Variants in KLHDC4 observed in about 807,000 individuals in gnomAD.
KLHDC4 encodes the protein kelch domain-containing protein 4.
In KLHDC4, 90 loss-of-function variants were observed where a neutral mutation model predicts 62.4. That is an observed-to-expected ratio of 1.44 (90% CI 1.22 to 1.72). The LOEUF is 1.72. Ranked by LOEUF, KLHDC4 falls within the 40% of genes most tolerant of loss-of-function variation. KLHDC4 has a pLI of 0.00. For synonymous variants in KLHDC4, 386 were observed against 284.4 expected, an observed-to-expected ratio of 1.36 and a Z score of -3.59; for missense variants, 1,025 against 699.7, an observed-to-expected ratio of 1.47 and a Z score of -5.25.
At chr16:87,764,935 G>A (rs1042115481) in intron 1 of KLHDC4, 3 of 350,934 alleles carry the variant, frequency 8.5e-6, no homozygotes, top group South Asian at 4.3e-5. Flanking sequence ...GACTTAGGAA[G>A]AAAAGGGACA....
At chr16:87,732,102 T>TTTTC (rs1555573575) in intron 5 of KLHDC4, among the ~76,000 whole-genome samples, 17,483 of 149,776 alleles carry the variant, frequency 0.12, 1,530 homozygotes, top group African/African-American at 0.24. Context: ...TATTTCTTTT[T>TTTTC]TTTTTTTTTT....
At chr16:87,718,953 C>G (rs1049952669) in intron 7 of KLHDC4, among the ~76,000 whole-genome samples, 1 of 151,060 alleles carries the variant, frequency 6.6e-6, no homozygotes, top group Non-Finnish European at 1.5e-5. Flanking sequence ...TCTGCCCGGC[C>G]GCCCGGTCTG....
At chr16:87,713,232 C>T (rs1839540723) in intron 8 of KLHDC4, among the ~76,000 whole-genome samples, 1 of 151,818 alleles carries the variant, frequency 6.6e-6, no homozygotes, top group Non-Finnish European at 1.5e-5. Context: ...CAGAGTCTCG[C>T]TCTGTCGCCC....
downstream of KLHDC4, among the ~76,000 whole-genome samples, chr16:87,703,591 A>G (rs1439176227): frequency 6.6e-6 from 1 of 152,354 alleles, no homozygotes; most frequent in East Asian, 1.9e-4. Flanking sequence ...AGAGCTTTGT[A>G]AACCTGCGCT....
chr16:87,711,543 G>A, intron 8 of KLHDC4, 100 bp from the exon 9 acceptor site: 1 of 1,023,688 alleles, frequency 9.8e-7, no homozygotes, highest in Non-Finnish European at 1.4e-6. Flanking sequence ...CCAGAATGGG[G>A]TAAATGAAAA....
chr16:87,724,804 C>T lies in KLHDC4; in HGVS notation c.759+1961G>A, dbSNP rs80046972. On this transcript the variant is annotated intron_variant, in intron 7 of 11. Coordinates refer to ENST00000270583, the MANE Select transcript of KLHDC4 (RefSeq NM_017566.4). Reference sequence around the variant, plus strand: ...AATAACACCCACACCCACACCCACCCCAGGGCCCAGCAGCTCCACTCCAGA... The same window carrying T: ...AATAACACCCACACCCACACCCACCTCAGGGCCCAGCAGCTCCACTCCAGA... Among the ~76,000 whole-genome samples, 144 of 152,244 alleles carry T rather than the reference C, an allele frequency of 9.5e-4. 2 individuals carry two copies. The East Asian group carries it at 0.025, about 27-fold the overall frequency.
chr16:87,726,657 GCCGCGCCTCGCCCGTCTCCCCACC>G (rs1567713894), intron 7 of KLHDC4, 84 bp downstream of exon 7: 80 of 10,014 alleles, frequency 8.0e-3, no homozygotes, highest in African/African-American at 0.02. Flanking sequence ...GTCTCCCCAC[GCCGCGCCTCGCCCGTCTCCCCACC>G]CCGCGCCTCG....
rs534890453 is a variant in KLHDC4 at position 87,711,368 on chromosome 16, G to A, written c.911C>T (p.Ala304Val). 1.4e-5 allele frequency: 22 copies of A among 1,613,860 alleles called. No individual in the cohort carries two copies. The African/African-American group carries it at 2.0e-4, about 15-fold the overall frequency. Residue 304 changes from alanine (A) to valine (V), a missense_variant, in exon 9 of 12, where the codon GCC becomes GTC. By Grantham distance (64) the Ala-to-Val change is moderately conservative. Coordinates refer to ENST00000270583, the MANE Select transcript of KLHDC4 (RefSeq NM_017566.4). ...GAAGAACAGTGTCTGGTGATTCGGG[G>A]CCATGGCCACGGAAAAGCCAGACCG... ...TPRSGFSVAM[A>V]PNHQTLFFGG...
Position 87,765,804 on chromosome 16 carries a change from C to A in KLHDC4, c.87G>T (p.Ser29=). 1 of 1,570,816 alleles carries A rather than the reference C, an allele frequency of 6.4e-7. No homozygotes were observed. The highest frequency in any genetic ancestry group is 8.6e-7 in the Non-Finnish European group (1 of 1,157,780). Residue 29 remains serine (S), a synonymous_variant, in exon 1 of 12, where the codon TCG becomes TCT. Coordinates refer to ENST00000270583, the MANE Select transcript of KLHDC4 (RefSeq NM_017566.4). ...CTGACCCGCTCACCTCCTCCTTCCG[C>A]GAGCGCTTAGACACCTTCTTCTCCA... ...AKMEKKVSKR[S]RKEEEDLEAL... is the part of the protein sequence containing the mutation.
chr16:87,749,532 C>T (rs1356200268), intron 4 of KLHDC4, among the ~76,000 whole-genome samples: 10 of 135,896 alleles, frequency 7.4e-5, no homozygotes, highest in East Asian at 4.2e-4. Flanking sequence ...CCAGCCTGGA[C>T]GACAGAGCGA....
intron 6 of KLHDC4, among the ~76,000 whole-genome samples, chr16:87,728,776 C>T (rs1224839965): frequency 1.3e-5 from 2 of 151,918 alleles, no homozygotes; most frequent in South Asian, 2.1e-4. Context: ...GTCAGGAGTT[C>T]GAGACCAGCC....
intron 5 of KLHDC4, among the ~76,000 whole-genome samples, chr16:87,741,735 G>C (rs550764265): frequency 1.3e-5 from 2 of 152,258 alleles, no homozygotes; most frequent in East Asian, 1.9e-4. Flanking sequence ...CTTCCTACAA[G>C]AAAACCCTTA....
Position 87,711,312 on chromosome 16 carries a change from TCTC to T in KLHDC4, c.964_966del (p.Glu322del), listed in dbSNP as rs751675999. ...TCGTTGAAGAACTCGCCCGACAGGC[TCTC>T]CTCCTCTTCCTCGTCACAGACACCC... is the stretch of plus-strand genomic sequence containing the variant. On this transcript the variant is annotated inframe_deletion, in exon 9 of 12. Transcript: ENST00000270583. 3 of 1,614,064 alleles carry T rather than the reference TCTC, an allele frequency of 1.9e-6. No individual in the cohort carries two copies. Among genetic ancestry groups the T allele is most frequent in the South Asian group, 1.1e-5 (1 of 91,080 alleles).
In KLHDC4 at chr16:87,756,393, C is replaced by T. The variant is rs200538559; in HGVS notation, c.270+6G>A. 13 of 1,599,658 alleles carry T rather than the reference C, an allele frequency of 8.1e-6. No homozygotes were observed. In the African/African-American group the frequency reaches 1.5e-4, roughly 18 times the overall value. On this transcript the variant is annotated splice_donor_region_variant and intron_variant, in intron 3 of 11. Coordinates refer to ENST00000270583, the MANE Select transcript of KLHDC4 (RefSeq NM_017566.4). ...TGGGAAGAAAAGAAAAAAATATATA[C>T]TTTACTTTTTGGCCGTTGAAATATT... is the stretch of plus-strand genomic sequence containing the variant.
Position 87,723,382 on chromosome 16 carries a change from C to G in KLHDC4, c.759+3383G>C, listed in dbSNP as rs138773992. ...TCAGACTGAGGGCGGGTGCACGTGG[C>G]TGCAGACAGCAGCTGCTGAGAATGA... On this transcript the variant is annotated intron_variant, in intron 7 of 11. Coordinates refer to ENST00000270583, the MANE Select transcript of KLHDC4 (RefSeq NM_017566.4). Among the ~76,000 whole-genome samples, 1,326 of 152,358 alleles carry G rather than the reference C, an allele frequency of 8.7e-3. 7 individuals carry two copies. Among genetic ancestry groups the G allele is most frequent in the Non-Finnish European group, 0.014 (974 of 68,036 alleles).
intron 5 of KLHDC4, among the ~76,000 whole-genome samples, chr16:87,746,580 G>A (rs2043074143): frequency 6.6e-6 from 1 of 152,166 alleles, no homozygotes; most frequent in African/African-American, 2.4e-5. Flanking sequence ...TGCTCCGCGA[G>A]GTATCTCTGT....
At chr16:87,718,784 GTC>G (rs1330723942) in intron 7 of KLHDC4, among the ~76,000 whole-genome samples, 1 of 151,116 alleles carries the variant, frequency 6.6e-6, no homozygotes, top group Non-Finnish European at 1.5e-5. Flanking sequence ...AGTGACGAGC[GTC>G]TCTGACCGGC....
chr16:87,728,610 A>G (rs2039788817), intron 6 of KLHDC4, among the ~76,000 whole-genome samples: 1 of 152,222 alleles, frequency 6.6e-6, no homozygotes, highest in Non-Finnish European at 1.5e-5. Context: ...TGTCCTACAC[A>G]TAGTAGGTAA....
chr16:87,730,174 G>A (rs116260859), intron 6 of KLHDC4, among the ~76,000 whole-genome samples: 2,550 of 152,234 alleles, frequency 0.017, 68 homozygotes, highest in African/African-American at 0.059. Flanking sequence ...CGCTGGTTTC[G>A]AACTCTTGAG....
Sources: gnomAD v4.1 joint callset for allele counts (sites outside exome capture counted in the v4.1 genomes callset) on GRCh38, gnomAD v4.1.1 for gene constraint, MANE v1.5 for transcripts, NCBI Gene and HGNC (gene_info 2026-07-23, HGNC 2026-07-21) for gene names.